The following GADL1 variants were observed in gnomAD, a reference collection of about 807,000 sequenced individuals.
GADL1 encodes the protein GAD like acidic amino acid decarboxylase 1.
GADL1 carries 71 observed loss-of-function variants against 69.5 expected under a neutral mutation model. That is an observed-to-expected ratio of 1.02 (90% CI 0.84 to 1.25). The LOEUF is 1.25. Ranked by LOEUF, GADL1 falls within the 50% of genes most tolerant of loss-of-function variation. The probability of loss-of-function intolerance (pLI) is 0.00; values close to 1 mark genes in which losing one functional copy is unlikely to be tolerated. For synonymous variants in GADL1, 254 were observed against 214.4 expected, an observed-to-expected ratio of 1.18 and a Z score of -1.62; for missense variants, 737 against 631.8, an observed-to-expected ratio of 1.17 and a Z score of -1.79.
intron 1 of GADL1, among the ~76,000 whole-genome samples, chr3:30,892,521 G>T (rs1698799415): frequency 6.6e-6 from 1 of 152,156 alleles, no homozygotes; most frequent in East Asian, 1.9e-4. Context: ...TCAGATTTAA[G>T]GCAAACTTTG....
chr3:30,757,305 A>AT (rs1175886525), intron 14 of GADL1, among the ~76,000 whole-genome samples: 2 of 152,192 alleles, frequency 1.3e-5, no homozygotes, highest in Non-Finnish European at 2.9e-5. Context: ...CCAGCCTGAC[A>AT]TTTAAAAATC....
intron 14 of GADL1, among the ~76,000 whole-genome samples, chr3:30,770,198 C>G (rs757330852): frequency 6.6e-6 from 1 of 152,146 alleles, no homozygotes; most frequent in Non-Finnish European, 1.5e-5. Flanking sequence ...TGCTACTTGT[C>G]TAGCTTCTAT....
At chr3:30,735,954 T>G (rs907915984) in intron 14 of GADL1, among the ~76,000 whole-genome samples, 2 of 152,178 alleles carry the variant, frequency 1.3e-5, no homozygotes, top group African/African-American at 4.8e-5. Flanking sequence ...AAGATTTCAG[T>G]TGAATTGTGA....
intron 4 of GADL1, among the ~76,000 whole-genome samples, chr3:30,852,650 A>T (rs901987989): frequency 6.6e-6 from 1 of 152,040 alleles, no homozygotes; most frequent in Non-Finnish European, 1.5e-5. Flanking sequence ...TAATAAAAAA[A>T]AAAAGTATTT....
intron 12 of GADL1, among the ~76,000 whole-genome samples, chr3:30,790,285 G>T (rs920173199): frequency 6.6e-6 from 1 of 152,142 alleles, no homozygotes; most frequent in Non-Finnish European, 1.5e-5. Flanking sequence ...AAGTTTTCCA[G>T]CTTCTATGGG....
chr3:30,852,321 G>A (rs1272615504), intron 4 of GADL1, among the ~76,000 whole-genome samples: 1 of 152,068 alleles, frequency 6.6e-6, no homozygotes, highest in Non-Finnish European at 1.5e-5. Flanking sequence ...AGACCAGCCT[G>A]GCCAAGATGG....
chr3:30,784,977 C>T (rs1008846960), intron 13 of GADL1, among the ~76,000 whole-genome samples: 1 of 152,130 alleles, frequency 6.6e-6, no homozygotes, highest in Non-Finnish European at 1.5e-5. Context: ...ACCAATTCTG[C>T]CAGAATATCT....
Position 30,824,454 on chromosome 3 carries a change from A to T in GADL1, c.1050+9399T>A, listed in dbSNP as rs1034864820. 1.3e-4 allele frequency among the ~76,000 whole-genome samples: 19 copies of T among 151,772 alleles called. 1 individual carries two copies. The highest frequency in any genetic ancestry group is 4.4e-4 in the African/African-American group (18 of 41,300). ...GTGGTCTTCAAGAGGAAGGAAAATT[A>T]TTCCGGATGGAACCTTAGAGATAAG... On this transcript the variant is annotated intron_variant, in intron 11 of 14. Coordinates refer to ENST00000282538, the MANE Select transcript of GADL1 (RefSeq NM_207359.3).
rs59981366 is a variant in GADL1 at position 30,820,731 on chromosome 3, A to C, written c.1050+13122T>G. On this transcript the variant is annotated intron_variant, in intron 11 of 14. Coordinates refer to ENST00000282538, the MANE Select transcript of GADL1 (RefSeq NM_207359.3). Reference sequence around the variant, plus strand: ...ACTTTTACACTGTTGGTGGGACTGTAAACTAGTTCAACCATTGTGGAAGTC... The same window carrying C: ...ACTTTTACACTGTTGGTGGGACTGTCAACTAGTTCAACCATTGTGGAAGTC... 0.016 allele frequency among the ~76,000 whole-genome samples: 2,403 copies of C among 152,132 alleles called. 168 individuals are homozygous for C. The East Asian group carries it at 0.26, about 16-fold the overall frequency.
intron 6 of GADL1, among the ~76,000 whole-genome samples, chr3:30,848,888 T>C (rs1698098101): frequency 1.3e-5 from 2 of 152,236 alleles, no homozygotes; most frequent in East Asian, 3.8e-4. Context: ...CCAGTTGTTC[T>C]CTGTTCCGTG....
intron 3 of GADL1, among the ~76,000 whole-genome samples, chr3:30,855,929 C>A (rs201964965): frequency 1.6e-3 from 192 of 123,814 alleles, no homozygotes; most frequent in Middle Eastern, 4.3e-3. Context: ...TCTGATCTGG[C>A]AAAAAAAAAA....
At chr3:30,858,771 T>C (rs1307076026) in intron 2 of GADL1, among the ~76,000 whole-genome samples, 2 of 151,938 alleles carry the variant, frequency 1.3e-5, no homozygotes, top group Non-Finnish European at 2.9e-5. Flanking sequence ...GACACTATGA[T>C]AATGTAACAG....
chr3:30,766,441 TA>T (rs966541239), intron 14 of GADL1, among the ~76,000 whole-genome samples: 6 of 152,220 alleles, frequency 3.9e-5, no homozygotes, highest in African/African-American at 1.4e-4. Context: ...ACCCCACATT[TA>T]CTTCACATCA....
In GADL1 at chr3:30,778,203, G is replaced by C. The variant is rs373498528; in HGVS notation, c.1368C>G (p.Pro456=). 2.9e-5 allele frequency: 46 copies of C among 1,609,482 alleles called. No individual in the cohort carries two copies. The highest frequency in any genetic ancestry group is 3.7e-5 in the Non-Finnish European group (44 of 1,176,306). The change falls in exon 14 of 15, where the codon CCC becomes CCG. Residue 456 remains proline, a synonymous_variant. Coordinates refer to ENST00000282538, the MANE Select transcript of GADL1 (RefSeq NM_207359.3). ...PPSLREMEEG[P]EFWAKLNLVA... ...CCAAATTAAGTTTTGCCCAGAACTC[G>C]GGTCCTTCTTCCATCTCTCTGAGGC...
chr3:30,785,240 C>T (rs1359644365), intron 13 of GADL1, among the ~76,000 whole-genome samples: 2 of 152,042 alleles, frequency 1.3e-5, no homozygotes, highest in Non-Finnish European at 2.9e-5. Flanking sequence ...TTAATTAGTG[C>T]CTTTCAGTTT....
chr3:30,818,682 AC>A (rs1697518502), intron 11 of GADL1, among the ~76,000 whole-genome samples: 2 of 152,194 alleles, frequency 1.3e-5, no homozygotes, highest in African/African-American at 2.4e-5. Context: ...AGATATACTT[AC>A]ACTAAAATAT....
At chr3:30,881,410 T>G (rs1048125046) in intron 1 of GADL1, among the ~76,000 whole-genome samples, 2 of 151,834 alleles carry the variant, frequency 1.3e-5, no homozygotes, top group African/African-American at 2.4e-5. Context: ...CAACCTTTTT[T>G]GGGCTAAAAA....
chr3:30,782,329 A>AC (rs1402660695), intron 13 of GADL1, among the ~76,000 whole-genome samples: 1 of 152,170 alleles, frequency 6.6e-6, no homozygotes, highest in Non-Finnish European at 1.5e-5. Context: ...GATAGTACCA[A>AC]CCTGAAGAGT....
At chr3:30,851,240 C>T (rs1312738412) in intron 4 of GADL1, among the ~76,000 whole-genome samples, 2 of 152,124 alleles carry the variant, frequency 1.3e-5, no homozygotes, top group African/African-American at 2.4e-5. Context: ...ATGTATTAGC[C>T]ATGAGCAGTG....
Sources: gnomAD v4.1 joint callset for allele counts (sites outside exome capture counted in the v4.1 genomes callset) on GRCh38, gnomAD v4.1.1 for gene constraint, MANE v1.5 for transcripts, NCBI Gene and HGNC (gene_info 2026-07-23, HGNC 2026-07-21) for gene names.